The following TBXAS1 variants were observed in gnomAD, a reference collection of about 807,000 sequenced individuals.
TBXAS1 encodes the protein thromboxane-A synthase.
TBXAS1 carries 48 observed loss-of-function variants against 60.7 expected under a neutral mutation model. The ratio of observed to expected loss-of-function variants is 0.79; its 90% confidence interval spans 0.63 to 1.01. The LOEUF (loss-of-function observed/expected upper bound fraction) is 1.01. Among genes scored for constraint, TBXAS1 ranks in the 50% least tolerant of loss-of-function variants. TBXAS1 has a pLI of 0.00. For missense variants in TBXAS1, 685 were observed against 686.3 expected, an observed-to-expected ratio of 1.00 and a Z score of 0.02; for synonymous variants, 287 against 269.7, an observed-to-expected ratio of 1.06 and a Z score of -0.63.
In TBXAS1 at chr7:139,885,408, A is replaced by G. The variant is rs568532694; in HGVS notation, c.236+9771A>G. On this transcript the variant is annotated intron_variant, in intron 3 of 12. Transcript: ENST00000448866. The stretch of plus-strand genomic sequence containing the variant: ...ATCCAAGTTGTTCAACCCAAAATGC[A>G]TAATAGAGTATGTAAAACAGTCATG... Among the ~76,000 whole-genome samples, 34 of 152,380 alleles carry G rather than the reference A, an allele frequency of 2.2e-4. 1 individual carries two copies. In the South Asian group the frequency reaches 6.8e-3, roughly 31 times the overall value.
chr7:139,786,176 G>A (rs1160302562), intron 3 of TBXAS1, among the ~76,000 whole-genome samples: 1 of 151,052 alleles, frequency 6.6e-6, no homozygotes, highest in African/African-American at 2.4e-5. Context: ...TGATGATAAG[G>A]GAAATGATTT....
intron 9 of TBXAS1, chr7:139,962,460 T>C: frequency 2.0e-6 from 1 of 500,694 alleles, no homozygotes; most frequent in South Asian, 2.0e-5. Flanking sequence ...GCACCTTCAC[T>C]GTCTGGGGTA....
At chr7:139,982,501 G>A (rs1812042589) in intron 9 of TBXAS1, among the ~76,000 whole-genome samples, 2 of 151,948 alleles carry the variant, frequency 1.3e-5, no homozygotes, top group Admixed American at 6.6e-5. Context: ...CAGTACCAGG[G>A]GTATTATAGC....
chr7:139,792,348 C>T (rs916818055), intron 4 of TBXAS1, among the ~76,000 whole-genome samples: 25 of 152,284 alleles, frequency 1.6e-4, no homozygotes, highest in African/African-American at 6.0e-4. Context: ...GAGATTCATC[C>T]AATATCCACC....
At chr7:139,893,453 T>C (rs576331149) in intron 3 of TBXAS1, among the ~76,000 whole-genome samples, 16 of 152,320 alleles carry the variant, frequency 1.1e-4, no homozygotes, top group African/African-American at 3.6e-4. Context: ...ACTATTTTAA[T>C]GTTCCTTTGT....
In TBXAS1 at chr7:139,793,666, T is replaced by A. The variant is rs556595213; in HGVS notation, c.-80+6240T>A. Among the ~76,000 whole-genome samples, 5 of 152,324 alleles carry A rather than the reference T, an allele frequency of 3.3e-5. No individual in the cohort carries two copies. In the South Asian group the frequency reaches 1.0e-3, roughly 32 times the overall value. Reference sequence around the variant, plus strand: ...AAGCTTACATGTTGAGCCAGGCATTTAGGGATGGATTTGATTTACAAAAGC... The same window carrying A: ...AAGCTTACATGTTGAGCCAGGCATTAAGGGATGGATTTGATTTACAAAAGC... On this transcript the variant is annotated intron_variant, in intron 4 of 16. Transcript: ENST00000336425.
At chr7:139,872,453 G>A (rs1584732976) in intron 2 of TBXAS1, 125 bp downstream of exon 2, 2 of 871,762 alleles carry the variant, frequency 2.3e-6, no homozygotes, top group Admixed American at 1.9e-5. Context: ...TCAGGAGTTC[G>A]AGACCAGCCT....
intron 1 of TBXAS1, among the ~76,000 whole-genome samples, chr7:139,846,055 T>A (rs936079529): frequency 3.9e-5 from 6 of 152,014 alleles, no homozygotes; most frequent in Admixed American, 2.6e-4. Flanking sequence ...CTCTGGATCT[T>A]AATAAAATAT....
chr7:139,905,564 G>A (rs1805010815), intron 3 of TBXAS1, among the ~76,000 whole-genome samples: 1 of 152,140 alleles, frequency 6.6e-6, no homozygotes, highest in Non-Finnish European at 1.5e-5. Context: ...CAAGGATATC[G>A]GTCTGTAGTT....
chr7:139,880,803 A>G (rs1249137089), intron 3 of TBXAS1, among the ~76,000 whole-genome samples: 4 of 152,350 alleles, frequency 2.6e-5, no homozygotes, highest in Non-Finnish European at 5.9e-5. Context: ...TGTCTGGGGT[A>G]AGTATGCAAG....
At chr7:139,992,343 T>TA (rs1232233852) in intron 9 of TBXAS1, among the ~76,000 whole-genome samples, 1 of 152,224 alleles carries the variant, frequency 6.6e-6, no homozygotes, top group African/African-American at 2.4e-5. Flanking sequence ...TTTAATTTTT[T>TA]AAAAAACCTC....
At chr7:139,985,156 A>G (rs910425597) in intron 9 of TBXAS1, among the ~76,000 whole-genome samples, 1 of 152,222 alleles carries the variant, frequency 6.6e-6, no homozygotes, top group Non-Finnish European at 1.5e-5. Context: ...GTGTCCTCCA[A>G]TTAATTCATT....
At chr7:139,859,433 T>C (rs1800817207) in intron 1 of TBXAS1, among the ~76,000 whole-genome samples, 2 of 144,552 alleles carry the variant, frequency 1.4e-5, no homozygotes, top group South Asian at 4.5e-4. Context: ...GTCTCAATCT[T>C]CTTACCTCGT....
Position 139,896,441 on chromosome 7 carries a change from C to T in TBXAS1, c.237-14784C>T, listed in dbSNP as rs1804102690. ...TGGGGAACCATAAATAACTTTTTCA[C>T]AGCAAGAATGAAAGGCTGTGGTTCC... On this transcript the variant is annotated intron_variant, in intron 3 of 12. Transcript: ENST00000448866. The surrounding 1 kb of genome is among the most constrained non-coding windows in gnomAD (Gnocchi z 4.0). Among the ~76,000 whole-genome samples, 1 of 152,178 alleles carries T rather than the reference C, an allele frequency of 6.6e-6. No individual in the cohort carries two copies. Among genetic ancestry groups the T allele is most frequent in the South Asian group, 2.1e-4 (1 of 4,834 alleles).
At chr7:139,816,747 T>G (rs1033889838) in intron 4 of TBXAS1, among the ~76,000 whole-genome samples, 13 of 152,230 alleles carry the variant, frequency 8.5e-5, no homozygotes, top group African/African-American at 3.1e-4. Flanking sequence ...GTTGAACTAC[T>G]GCAATAGAGA....
intron 3 of TBXAS1, among the ~76,000 whole-genome samples, chr7:139,895,547 C>T (rs1409864894): frequency 6.6e-6 from 1 of 152,230 alleles, no homozygotes; most frequent in Non-Finnish European, 1.5e-5. Context: ...GGGGTGACCC[C>T]AGTGACATGG....
chr7:139,924,268 A>G (rs1806713384), intron 4 of TBXAS1, among the ~76,000 whole-genome samples: 1 of 152,188 alleles, frequency 6.6e-6, no homozygotes, highest in South Asian at 2.1e-4. Flanking sequence ...CATTTGCACC[A>G]ACAGTGTATG....
chr7:139,978,486 G>C (rs953372371), intron 9 of TBXAS1, among the ~76,000 whole-genome samples: 4 of 151,408 alleles, frequency 2.6e-5, no homozygotes, highest in Admixed American at 2.6e-4. Context: ...CTCCAGCCTG[G>C]GTGACAGAGT....
chr7:139,830,705 A>G (rs900619681), intron 1 of TBXAS1, among the ~76,000 whole-genome samples: 10 of 152,188 alleles, frequency 6.6e-5, no homozygotes, highest in African/African-American at 2.4e-4. Context: ...TCTGACATGC[A>G]GAAAGTGCTT....
Sources: gnomAD v4.1 joint callset for allele counts (sites outside exome capture counted in the v4.1 genomes callset) on GRCh38, gnomAD v4.1.1 for gene constraint, Gnocchi (gnomAD v3.1) non-coding constraint, MANE v1.5 for transcripts, NCBI Gene and HGNC (gene_info 2026-07-23, HGNC 2026-07-21) for gene names.